TTLL5: variants seen among roughly 807,000 people sequenced by gnomAD.
The protein encoded by TTLL5 is tubulin polyglutamylase TTLL5.
Under a neutral mutation model 168.4 loss-of-function variants are expected in TTLL5, and 132 were observed. That is an observed-to-expected ratio of 0.78 (90% CI 0.68 to 0.91). The LOEUF (loss-of-function observed/expected upper bound fraction) is 0.91, where lower values mean the gene tolerates loss of function less well. TTLL5 is among the 40% of genes least tolerant of loss of function. TTLL5 has a pLI of 0.00. For missense variants in TTLL5, 1,545 were observed against 1,581.5 expected (o/e 0.98, Z 0.39); for synonymous variants, 546 against 558.6 (o/e 0.98, Z 0.32).
At chr14:75,872,866 G>A (rs541376526) in intron 29 of TTLL5, among the ~76,000 whole-genome samples, 25 of 148,634 alleles carry the variant, frequency 1.7e-4, no homozygotes, top group African/African-American at 5.0e-4. Context: ...AGCCAAGATC[G>A]TGGCCATTGC....
intron 30 of TTLL5, among the ~76,000 whole-genome samples, chr14:75,899,824 G>A (rs1406767752): frequency 6.6e-6 from 1 of 152,056 alleles, no homozygotes; most frequent in Non-Finnish European, 1.5e-5. Context: ...GAGTTTTAAA[G>A]ACCCAGAATT....
intron 30 of TTLL5, among the ~76,000 whole-genome samples, chr14:75,898,459 T>G (rs1365314133): frequency 6.6e-6 from 1 of 151,904 alleles, no homozygotes; most frequent in African/African-American, 2.4e-5. Flanking sequence ...CTGGGTGACA[T>G]GGCAAAACTC....
At chr14:75,875,082 C>T (rs1475742148) in intron 29 of TTLL5, among the ~76,000 whole-genome samples, 7 of 150,342 alleles carry the variant, frequency 4.7e-5, no homozygotes, top group South Asian at 4.2e-4. Context: ...TACAGGTGCC[C>T]ACCACAACGC....
chr14:75,922,760 G>A (rs182669585), intron 31 of TTLL5, among the ~76,000 whole-genome samples: 1 of 152,148 alleles, frequency 6.6e-6, no homozygotes, highest in African/African-American at 2.4e-5. Flanking sequence ...AGTTAGGGAG[G>A]TTTCCCTGTT....
chr14:75,752,945 T>C lies in TTLL5; in HGVS notation c.1540T>C (p.Phe514Leu). The C allele has an allele frequency of 6.2e-7, 1 of 1,613,136 alleles. No individual in the cohort carries two copies. Among genetic ancestry groups the C allele is most frequent in the Non-Finnish European group, 8.5e-7 (1 of 1,179,398 alleles). ...GAACTATATGCTGGCAACACGCCTC[T>C]TCCAGGACAGGTAGAGATTTGCTAA... The part of the protein sequence containing the change: ...SMNYMLATRL[F>L]QDRMTADGAP... Residue 514 changes from phenylalanine (F) to leucine (L), a missense_variant, in exon 18 of 32, where the codon TTC becomes CTC. Coordinates refer to ENST00000298832, the MANE Select transcript of TTLL5 (RefSeq NM_015072.5).
At chr14:75,732,291 G>T (rs774677921) in intron 12 of TTLL5, 47 bp from the exon 13 acceptor site, 5 of 1,557,562 alleles carry the variant, frequency 3.2e-6, no homozygotes, top group Middle Eastern at 1.7e-4. Context: ...TTGTGTAGTT[G>T]TGACATGGAA....
At chr14:75,797,849 G>A (rs1288129525) in intron 27 of TTLL5, among the ~76,000 whole-genome samples, 1 of 152,016 alleles carries the variant, frequency 6.6e-6, no homozygotes, top group Non-Finnish European at 1.5e-5. Context: ...TAACAACCTA[G>A]AATTTTGTTG....
intron 15 of TTLL5, chr14:75,737,448 C>T (rs1888981232): frequency 2.0e-6 from 2 of 982,408 alleles, no homozygotes; most frequent in African/African-American, 3.3e-5. Flanking sequence ...AGGGCTCTTG[C>T]TTTTGGTTTC....
At chr14:75,770,141 G>C (rs1250424232) in intron 20 of TTLL5, among the ~76,000 whole-genome samples, 1 of 123,872 alleles carries the variant, frequency 8.1e-6, no homozygotes, top group Non-Finnish European at 1.6e-5. Flanking sequence ...TCACACCACT[G>C]CACTCCAGCC....
chr14:75,812,451 T>C (rs951090198), intron 27 of TTLL5, among the ~76,000 whole-genome samples: 18 of 152,226 alleles, frequency 1.2e-4, no homozygotes, highest in Non-Finnish European at 2.2e-4. Context: ...TACCACTATT[T>C]CTCAGGGCAG....
chr14:75,739,713 T>C (rs1169487014), intron 15 of TTLL5, among the ~76,000 whole-genome samples: 1 of 152,172 alleles, frequency 6.6e-6, no homozygotes, highest in Non-Finnish European at 1.5e-5. Context: ...TCTCTGAGGC[T>C]CAATTCCCAC....
chr14:75,807,789 T>C (rs1486158675), intron 27 of TTLL5, among the ~76,000 whole-genome samples: 2 of 152,170 alleles, frequency 1.3e-5, no homozygotes, highest in Non-Finnish European at 2.9e-5. Context: ...CTTCACCCTG[T>C]GAGCTTGTTG....
intron 10 of TTLL5, 30 bp from the exon 11 acceptor site, chr14:75,719,705 A>G (rs769640530): frequency 6.3e-7 from 1 of 1,578,084 alleles, no homozygotes; most frequent in Admixed American, 1.8e-5. Context: ...CTAGTTACAT[A>G]TGTGACTTTG....
rs1595092960 is a variant in TTLL5, at chr14:75,818,382, A to G, written c.3172-1625A>G. 4.3e-5 allele frequency: 10 copies of G among 234,922 alleles called. 1 individual carries two copies. The South Asian group carries it at 4.4e-4, about 10-fold the overall frequency. 14.6% of individuals were successfully genotyped at this position (234,922 alleles called of 1,614,324 possible). The stretch of plus-strand genomic sequence containing the variant: ...CTTGTGTTTGTGTGTGTATGTGTTT[A>G]AAGAAATTTGGATCTACTCTATACA... On this transcript the variant is annotated intron_variant, in intron 27 of 31. Transcript: ENST00000298832.
intron 27 of TTLL5, among the ~76,000 whole-genome samples, chr14:75,806,233 C>G (rs117578831): frequency 0.028 from 4,224 of 152,094 alleles, 77 homozygotes; most frequent in Middle Eastern, 0.088. Flanking sequence ...GTTTCACCAT[C>G]TTGGCCAGAG....
intron 18 of TTLL5, among the ~76,000 whole-genome samples, chr14:75,756,710 G>A (rs1018655966): frequency 7.2e-5 from 11 of 152,054 alleles, no homozygotes; most frequent in African/African-American, 2.4e-4. Context: ...GTTTCGCCAT[G>A]TTGGCCAAGC....
chr14:75,779,604 T>C lies in TTLL5; in HGVS notation c.2417T>C (p.Phe806Ser). The change falls in exon 24 of 32, where the codon TTT becomes TCT. Residue 806 changes from phenylalanine (F) to serine (S), a missense_variant. Physicochemically the swap from Phe to Ser is radical, Grantham distance 155. Coordinates refer to ENST00000298832, the MANE Select transcript of TTLL5 (RefSeq NM_015072.5). ...GCTGAACTGGAGGAGGTGTTGACTT[T>C]TTATACCCAAAAGAACAAGTCTGCT... is the stretch of plus-strand genomic sequence containing the variant. ...SEAELEEVLTFYTQKNKSASV... is the reference protein window; with the variant it reads ...SEAELEEVLTSYTQKNKSASV... 6.2e-7 allele frequency: 1 copy of C among 1,613,764 alleles called. No individual in the cohort carries two copies. The highest frequency in any genetic ancestry group is 8.5e-7 in the Non-Finnish European group (1 of 1,179,852).
rs749599859 is a variant in TTLL5 at position 75,752,926 on chromosome 14, T to C, written c.1521T>C (p.Tyr507=). The change falls in exon 18 of 32, where the codon TAT becomes TAC. Residue 507 remains tyrosine (Y), a synonymous_variant. Coordinates refer to ENST00000298832, the MANE Select transcript of TTLL5 (RefSeq NM_015072.5). ...TCGAGCATAAGACCTCAATGAACTA[T>C]ATGCTGGCAACACGCCTCTTCCAGG... is the stretch of plus-strand genomic sequence containing the variant. ...SYLEHKTSMN[Y]MLATRLFQDR... The C allele has an allele frequency of 1.7e-5, 27 of 1,613,544 alleles. No individual in the cohort carries two copies. Among genetic ancestry groups the C allele is most frequent in the Non-Finnish European group, 2.0e-5 (24 of 1,179,780 alleles).
chr14:75,723,780 C>T (rs1324025627), intron 12 of TTLL5, among the ~76,000 whole-genome samples: 2 of 152,238 alleles, frequency 1.3e-5, no homozygotes, highest in Non-Finnish European at 1.5e-5. Context: ...TTCTTCCTCC[C>T]TACTTGTGTT....
Sources: allele counts gnomAD v4.1 joint callset (sites outside exome capture counted in the v4.1 genomes callset), GRCh38; gene constraint gnomAD v4.1.1; transcripts MANE v1.5; gene names NCBI Gene and HGNC (gene_info 2026-07-23, HGNC 2026-07-21).